The following CFAP74 variants were observed in gnomAD, a reference collection of about 807,000 sequenced individuals.
CFAP74 encodes the protein cilia- and flagella-associated protein 74.
Under a neutral mutation model 188.9 loss-of-function variants are expected in CFAP74, and 124 were observed. That is an observed-to-expected ratio of 0.66 (90% CI 0.57 to 0.76). CFAP74 has a LOEUF of 0.76. CFAP74 is among the 30% of genes least tolerant of loss of function. The pLI is 0.00. For missense variants in CFAP74, 2,198 were observed against 2,165.2 expected (o/e 1.02, Z -0.30); for synonymous variants, 956 against 916.7 (o/e 1.04, Z -0.77).
In CFAP74 at chr1:2,001,774, C is replaced by T. The variant is rs559618161; in HGVS notation, c.-20+1927G>A. On this transcript the variant is annotated intron_variant, in intron 1 of 38. Coordinates refer to ENST00000682832, the MANE Select transcript of CFAP74 (RefSeq NM_001304360.2). ...CTGACTGGATGGAATGAACAGGCCA[C>T]GGTGTCACCTCTGCGACTTTCCTGT... is the stretch of plus-strand genomic sequence containing the variant. Among the ~76,000 whole-genome samples the T allele has an allele frequency of 2.8e-4, 43 of 152,262 alleles. No homozygotes were observed. The South Asian group carries it at 8.7e-3, about 31-fold the overall frequency.
chr1:1,926,999 G>A lies in CFAP74; in HGVS notation c.3557C>T (p.Thr1186Ile), dbSNP rs771181764. The change falls in exon 29 of 39, where the codon ACC (threonine) becomes ATC (isoleucine). Residue 1186 changes from threonine (T) to isoleucine (I), a missense_variant. By Grantham distance (89) the Thr-to-Ile change is moderately conservative. Coordinates refer to ENST00000682832, the MANE Select transcript of CFAP74 (RefSeq NM_001304360.2). ...CTTCGCCTGGAACGCTCTGAGCAGGGTGGCTCGGGCGGCCTGGTACTCGTC... is the reference window on the plus strand; with the variant it reads ...CTTCGCCTGGAACGCTCTGAGCAGGATGGCTCGGGCGGCCTGGTACTCGTC... ...SSDEYQAARATLLRAFQAKFD... is the reference protein window; with the variant it reads ...SSDEYQAARAILLRAFQAKFD... The A allele has an allele frequency of 5.5e-5, 86 of 1,550,268 alleles. No homozygotes were observed. In the East Asian group the frequency reaches 1.3e-3, roughly 24 times the overall value.
chr1:1,937,956 A>G (rs1196578316), intron 25 of CFAP74, among the ~76,000 whole-genome samples: 1 of 149,396 alleles, frequency 6.7e-6, no homozygotes, highest in African/African-American at 2.5e-5. Context: ...GCACTCATAC[A>G]CATGTACACA....
chr1:1,941,894 G>T, intron 22 of CFAP74, 134 bp downstream of exon 22: 1 of 985,014 alleles, frequency 1.0e-6, no homozygotes, highest in Non-Finnish European at 1.4e-6. Context: ...CATGGCCTCT[G>T]CCCCAGAACA....
Position 1,958,189 on chromosome 1 carries a change from T to C in CFAP74, c.1851+931A>G, listed in dbSNP as rs1654799310. On this transcript the variant is annotated intron_variant, in intron 16 of 38. Coordinates refer to ENST00000682832, the MANE Select transcript of CFAP74 (RefSeq NM_001304360.2). The stretch of plus-strand genomic sequence containing the variant: ...AAGGTGGCTTGGGGCCAGCGTGGCC[T>C]GGATCACGGGTGACCATGAGGGCGT... Among the ~76,000 whole-genome samples, 3 of 152,242 alleles carry C rather than the reference T, an allele frequency of 2.0e-5. No homozygotes were observed. In the South Asian group the frequency reaches 6.2e-4, roughly 31 times the overall value.
At chr1:1,933,545 C>T (rs960214442) in intron 25 of CFAP74, among the ~76,000 whole-genome samples, 2 of 152,164 alleles carry the variant, frequency 1.3e-5, no homozygotes, top group Non-Finnish European at 2.9e-5. Flanking sequence ...TTGTCCATTT[C>T]CTCAAAATTG....
In CFAP74 at chr1:1,945,936, C is replaced by T. The variant is rs192091657; in HGVS notation, c.2364+381G>A. 7.6e-4 allele frequency among the ~76,000 whole-genome samples: 94 copies of T among 123,134 alleles called. 2 individuals are homozygous for T. In the East Asian group the frequency reaches 0.019, roughly 24 times the overall value. 80.8% of individuals were successfully genotyped at this position (123,134 alleles called of 152,430 possible). On this transcript the variant is annotated intron_variant, in intron 20 of 38. Transcript: ENST00000682832. ...TGTGTGAGGACTCTGCATGTGTGCA[C>T]GTGTGTGTGGGGGCTCTGTGTATGT...
chr1:1,972,473 C>A (rs1383887437), intron 8 of CFAP74, among the ~76,000 whole-genome samples: 1 of 152,260 alleles, frequency 6.6e-6, no homozygotes, highest in Non-Finnish European at 1.5e-5. Flanking sequence ...ATCTCAAGGG[C>A]CTCTTCTGAA....
intron 4 of CFAP74, chr1:1,988,225 A>C: frequency 1.6e-6 from 1 of 620,262 alleles, no homozygotes; most frequent in Non-Finnish European, 3.1e-6. Context: ...AAACACACAC[A>C]AACACAGAAA....
chr1:1,963,655 T>C lies in CFAP74; in HGVS notation c.1694+94A>G, dbSNP rs28674586. ...TCGGACCTGAGGGCTTATGCCCATATAGAGCCTGTTCCAGCCGTTCTGAAC... is the reference window on the plus strand; with the variant it reads ...TCGGACCTGAGGGCTTATGCCCATACAGAGCCTGTTCCAGCCGTTCTGAAC... On this transcript the variant is annotated intron_variant, in intron 14 of 38. Transcript: ENST00000682832. The C allele has an allele frequency of 1.1e-3, 830 of 766,450 alleles. 3 individuals carry two copies. The African/African-American group carries it at 0.013, about 12-fold the overall frequency. The allele number at this position is 766,450 out of a possible 1,614,324, so 47.5% of individuals were successfully genotyped here. A position where few individuals can be genotyped will look rare whatever the true frequency, so the allele number is the denominator to read the frequency against.
At chr1:1,938,282 C>T (rs1262714380) in intron 25 of CFAP74, among the ~76,000 whole-genome samples, 1 of 152,086 alleles carries the variant, frequency 6.6e-6, no homozygotes, top group African/African-American at 2.4e-5. Flanking sequence ...CACATACATG[C>T]ACTCACACTC....
intron 4 of CFAP74, 89 bp downstream of exon 4, chr1:1,988,423 G>A (rs1241344877): frequency 6.6e-6 from 10 of 1,525,666 alleles, no homozygotes; most frequent in East Asian, 2.3e-5. Context: ...TCAGGGTGAC[G>A]ACAGGTACAG....
chr1:1,960,068 T>C (rs1356530601), intron 14 of CFAP74, 38 bp from the exon 15 acceptor site: 6 of 1,561,882 alleles, frequency 3.8e-6, no homozygotes, highest in Non-Finnish European at 5.2e-6. Flanking sequence ...GGGTTAGTGC[T>C]GCGGAGGGCA....
Position 1,988,822 on chromosome 1 carries a change from ACCCCCC to A in CFAP74, c.152+61_152+66del, listed in dbSNP as rs1269513983. On this transcript the variant is annotated intron_variant, in intron 3 of 38. Coordinates refer to ENST00000682832, the MANE Select transcript of CFAP74 (RefSeq NM_001304360.2). ...AGCAGCCGCCCCGCTCCCTTCACCCACCCCCCCACCCCCACCCCCACCCCCACCCCC... is the reference window on the plus strand; with the variant it reads ...AGCAGCCGCCCCGCTCCCTTCACCCACACCCCCACCCCCACCCCCACCCCC... 3.7e-5 allele frequency: 6 copies of A among 162,452 alleles called. No individual in the cohort carries two copies. The Admixed American group carries it at 6.3e-4, about 17-fold the overall frequency. The allele number at this position is 162,452 out of a possible 1,614,324, so 10.1% of individuals were successfully genotyped here.
intron 12 of CFAP74, among the ~76,000 whole-genome samples, chr1:1,965,465 A>G (rs1024478355): frequency 3.3e-5 from 5 of 152,202 alleles, no homozygotes; most frequent in African/African-American, 1.2e-4. Flanking sequence ...GTGTCAGCAC[A>G]CACTGGGCTT....
In CFAP74 at chr1:1,926,779, T is replaced by A. The variant is rs1196597042; in HGVS notation, c.3663-18A>T. On this transcript the variant is annotated intron_variant, in intron 29 of 38. Transcript: ENST00000682832. ...TGTGGGGGCTGGGATAGGAAGGGCA[T>A]GCTGAGGGCAGGGTGGGCGGCCCCC... The A allele has an allele frequency of 1.3e-6, 2 of 1,548,884 alleles. No individual in the cohort carries two copies. Among genetic ancestry groups the A allele is most frequent in the Non-Finnish European group, 1.7e-6 (2 of 1,145,920 alleles).
chr1:1,939,210 G>A (rs892080189), intron 24 of CFAP74, among the ~76,000 whole-genome samples: 36 of 152,234 alleles, frequency 2.4e-4, no homozygotes, highest in Admixed American at 2.2e-3. Context: ...GTGTGTGCAC[G>A]CATATGTGTG....
At chr1:1,934,474 T>TGG (rs528113463) in intron 25 of CFAP74, among the ~76,000 whole-genome samples, 13 of 132,456 alleles carry the variant, frequency 9.8e-5, no homozygotes, top group African/African-American at 3.7e-4. Flanking sequence ...GGTGTGTATG[T>TGG]GTGTTAGGTT....
intron 18 of CFAP74, among the ~76,000 whole-genome samples, chr1:1,952,150 AC>A (rs1396270101): frequency 1.3e-5 from 2 of 151,782 alleles, no homozygotes; most frequent in Non-Finnish European, 2.9e-5. Flanking sequence ...ATGGGGTTTC[AC>A]CTTGTTGCCC....
At position 1,922,133 on chromosome 1, in the gene CFAP74, C is replaced by A; in HGVS notation, c.*154G>T. ...CCTGGGCTTGCGGGGTCCAGGGCAG[C>A]AGGAAGTGGCCGTGGCGCCATGTGG... On this transcript the variant is annotated 3_prime_UTR_variant, in exon 39 of 39. Transcript: ENST00000682832. The A allele has an allele frequency of 3.3e-6, 2 of 606,974 alleles. No homozygotes were observed. Among genetic ancestry groups the A allele is most frequent in the Non-Finnish European group, 5.8e-6 (2 of 345,330 alleles). The allele number at this position is 606,974 out of a possible 1,614,324, so 37.6% of individuals were successfully genotyped here.
Sources: allele counts gnomAD v4.1 joint callset (sites outside exome capture counted in the v4.1 genomes callset), GRCh38; gene constraint gnomAD v4.1.1; transcripts MANE v1.5; gene names NCBI Gene and HGNC (gene_info 2026-07-23, HGNC 2026-07-21).